The following TTC39A variants were observed in gnomAD, a reference collection of about 807,000 sequenced individuals.
TTC39A encodes the protein tetratricopeptide repeat domain 39A.
TTC39A carries 46 observed loss-of-function variants against 82.3 expected under a neutral mutation model. The ratio of observed to expected loss-of-function variants is 0.56; its 90% CI spans 0.44 to 0.71. The LOEUF is 0.71. Among genes scored for constraint, TTC39A ranks in the 30% least tolerant of loss-of-function variants. The pLI is 0.00. For synonymous variants in TTC39A, 254 were observed against 275.2 expected (o/e 0.92, Z 0.76); for missense variants, 543 against 712.9 (o/e 0.76, Z 2.71).
intron 3 of TTC39A, 106 bp downstream of exon 3, chr1:51,312,706 G>A (rs761820442): frequency 2.1e-4 from 310 of 1,490,490 alleles, no homozygotes; most frequent in Non-Finnish European, 2.5e-4. Flanking sequence ...CAACCTCTTA[G>A]CCAAAAGCAG....
upstream of TTC39A, chr1:51,331,565 C>T (rs771493288): frequency 2.0e-5 from 20 of 985,268 alleles, no homozygotes; most frequent in East Asian, 1.1e-4. Context: ...GAAGCAACCA[C>T]GGTGGGAACA....
At position 51,330,262 on chromosome 1, in the gene TTC39A, C is replaced by G. The variant is rs1200011211; in HGVS notation, c.41+175G>C. ...CGCGCCTCCGCCTCCTCACAGCCCC[C>G]TGCCCCCACTCCTGGCAGCGGCGGC... On this transcript the variant is annotated intron_variant, in intron 1 of 17. Transcript: ENST00000680483. This position sits in a 1 kb window ranked among gnomAD's most constrained non-coding sequence, Gnocchi z 4.5. 3 of 967,282 alleles carry G rather than the reference C, an allele frequency of 3.1e-6. No individual in the cohort carries two copies. Among genetic ancestry groups the G allele is most frequent in the Non-Finnish European group, 3.7e-6 (3 of 813,610 alleles). 59.9% of individuals were successfully genotyped at this position (967,282 alleles called of 1,614,324 possible).
At chr1:51,331,683 T>C, upstream of TTC39A, 1 of 985,238 alleles carries the variant, frequency 1.0e-6, no homozygotes, top group Non-Finnish European at 1.2e-6. Flanking sequence ...CCTGCCCATT[T>C]GTGAGCAGGG....
chr1:51,312,710 A>T (rs1645130135), intron 3 of TTC39A, 102 bp downstream of exon 3: 3 of 1,502,622 alleles, frequency 2.0e-6, no homozygotes, highest in Non-Finnish European at 2.7e-6. Context: ...CTCTTAGCCA[A>T]AAGCAGCAGT....
chr1:51,328,642 G>A (rs1645800875), intron 1 of TTC39A, among the ~76,000 whole-genome samples: 1 of 152,170 alleles, frequency 6.6e-6, no homozygotes, highest in Admixed American at 6.5e-5. Flanking sequence ...GTTTCCACAA[G>A]ACTTTCAAGG....
intron 3 of TTC39A, 128 bp from the exon 4 acceptor site, chr1:51,312,323 G>A (rs1426578170): frequency 2.1e-6 from 2 of 951,408 alleles, no homozygotes; most frequent in East Asian, 5.3e-5. Flanking sequence ...CAGGCTTAGA[G>A]GTCAAACAGA....
chr1:51,301,934 T>C (rs1644675184), intron 11 of TTC39A: 3 of 708,152 alleles, frequency 4.2e-6, no homozygotes, highest in South Asian at 1.8e-5. Context: ...TTACATGACG[T>C]TGGGCTCAAA....
chr1:51,329,090 C>G (rs535117471), intron 1 of TTC39A, among the ~76,000 whole-genome samples: 1 of 152,358 alleles, frequency 6.6e-6, no homozygotes, highest in African/African-American at 2.4e-5. Context: ...CTGAGGCCTG[C>G]AGCAGGGCCA....
intron 16 of TTC39A, among the ~76,000 whole-genome samples, chr1:51,289,218 A>T (rs1644108105): frequency 1.3e-5 from 2 of 152,146 alleles, no homozygotes; most frequent in South Asian, 4.2e-4. Flanking sequence ...TAAACTGTAA[A>T]GTCTCCTGTC....
At chr1:51,345,075 G>T in exon 1 of TTC39A, 2 of 1,317,924 alleles carry the variant, frequency 1.5e-6, no homozygotes, top group Non-Finnish European at 1.9e-6. Flanking sequence ...GGGGCCGCGG[G>T]CGGCCCCTCG....
chr1:51,309,870 C>T (rs1327779720), intron 5 of TTC39A, among the ~76,000 whole-genome samples: 3 of 151,974 alleles, frequency 2.0e-5, no homozygotes. Context: ...AACACACAGG[C>T]CAGGTGAAGA....
Position 51,288,080 on chromosome 1 carries a change from G to T in TTC39A, c.*77C>A. The T allele has an allele frequency of 6.3e-7, 1 of 1,576,502 alleles. No individual in the cohort carries two copies. Among genetic ancestry groups the T allele is most frequent in the Non-Finnish European group, 8.6e-7 (1 of 1,158,932 alleles). ...ACCCCAAAGGCAGGGCAGGGCAGGG[G>T]GAGGGGGTATTTTGAAATGTTTTCA... is the stretch of plus-strand genomic sequence containing the variant. On this transcript the variant is annotated 3_prime_UTR_variant, in exon 18 of 18. Coordinates refer to ENST00000680483, the MANE Select transcript of TTC39A (RefSeq NM_001297663.2). The surrounding 1 kb of genome is among the most constrained non-coding windows in gnomAD (Gnocchi z 4.8).
chr1:51,334,394 A>G (rs1484026420), upstream of TTC39A, among the ~76,000 whole-genome samples: 2 of 152,052 alleles, frequency 1.3e-5, no homozygotes, highest in Admixed American at 6.6e-5. Flanking sequence ...TTCCAGCTAC[A>G]TGGGAGGCTA....
Position 51,306,095 on chromosome 1 carries a change from T to A in TTC39A, c.489-19A>T, listed in dbSNP as rs1420229857. On this transcript the variant is annotated intron_variant, in intron 6 of 17. Transcript: ENST00000680483. ...CAGCTCCCTGCAGAGAGATGCCAAG[T>A]CCTGTTTCAGCCACTGCTGGGGGTG... 1 of 1,592,332 alleles carries A rather than the reference T, an allele frequency of 6.3e-7. No individual in the cohort carries two copies. The highest frequency in any genetic ancestry group is 1.1e-5 in the South Asian group (1 of 90,624).
At chr1:51,327,358 G>T (rs1645750521) in intron 1 of TTC39A, among the ~76,000 whole-genome samples, 1 of 152,216 alleles carries the variant, frequency 6.6e-6, no homozygotes, top group Non-Finnish European at 1.5e-5. Context: ...CTTTAGAAGT[G>T]ATCTTTCTAA....
chr1:51,292,859 T>C (rs1644273906), intron 14 of TTC39A, among the ~76,000 whole-genome samples: 1 of 152,228 alleles, frequency 6.6e-6, no homozygotes, highest in South Asian at 2.1e-4. Flanking sequence ...GATTAATATA[T>C]AAAGACTCCA....
chr1:51,296,770 G>A (rs75933914), intron 12 of TTC39A: 3,592 of 159,726 alleles, frequency 0.022, 54 homozygotes, highest in Middle Eastern at 0.04. Context: ...GCCAATGCCA[G>A]AAAGGAGTCC....
Position 51,306,042 on chromosome 1 carries a change from A to G in TTC39A, c.523T>C (p.Cys175Arg). 1 of 1,613,778 alleles carries G rather than the reference A, an allele frequency of 6.2e-7. No individual in the cohort carries two copies. The highest frequency in any genetic ancestry group is 8.5e-7 in the Non-Finnish European group (1 of 1,179,744). Residue 175 changes from cysteine to arginine, a missense_variant, in exon 7 of 18, where the codon TGC (cysteine) becomes CGC (arginine). Transcript: ENST00000680483. ...LDSLVQSSQY[C>R]KGENHPHFEG... ...AAGTGCGGGTGGTTCTCACCCTTGC[A>G]GTATTGTGAGGACTGAACAAGGCTG... is the stretch of plus-strand genomic sequence containing the variant.
At chr1:51,295,780 G>A in intron 13 of TTC39A, 1 of 461,208 alleles carries the variant, frequency 2.2e-6, no homozygotes, top group South Asian at 2.5e-5. Context: ...GGACCTTGGA[G>A]CCACATCTGT....
Sources: allele counts gnomAD v4.1 joint callset (sites outside exome capture counted in the v4.1 genomes callset), GRCh38; gene constraint gnomAD v4.1.1; non-coding constraint Gnocchi (gnomAD v3.1); transcripts MANE v1.5; gene names NCBI Gene and HGNC (gene_info 2026-07-23, HGNC 2026-07-21).